Variants in GDPD4 observed in about 807,000 individuals in gnomAD.
GDPD4 encodes glycerophosphodiester phosphodiesterase domain containing 4.
In GDPD4, 60 loss-of-function variants were observed where a neutral mutation model predicts 67.8. That is an observed-to-expected ratio of 0.88 (90% CI 0.72 to 1.10). The LOEUF is 1.10. Among genes scored for constraint, GDPD4 ranks in the 50% least tolerant of loss-of-function variants. GDPD4 has a pLI of 0.00. For missense variants in GDPD4, 623 were observed against 613.9 expected, an observed-to-expected ratio of 1.01 and a Z score of -0.16; for synonymous variants, 212 against 210.9, an observed-to-expected ratio of 1.00 and a Z score of -0.04.
intron 11 of GDPD4, among the ~76,000 whole-genome samples, chr11:77,251,823 T>C (rs1958904316): frequency 1.3e-5 from 2 of 152,188 alleles, no homozygotes; most frequent in African/African-American, 2.4e-5. Context: ...CAGGAACATC[T>C]ACAATATGAA....
intron 13 of GDPD4, among the ~76,000 whole-genome samples, chr11:77,233,969 T>C (rs1420790502): frequency 6.6e-6 from 1 of 152,202 alleles, no homozygotes; most frequent in Non-Finnish European, 1.5e-5. Context: ...AGAAAATAAG[T>C]GGAGGAACAC....
At chr11:77,295,683 C>T (rs1053687107) in intron 1 of GDPD4, among the ~76,000 whole-genome samples, 3 of 152,044 alleles carry the variant, frequency 2.0e-5, no homozygotes, top group Non-Finnish European at 2.9e-5. Flanking sequence ...AAAACATAGA[C>T]GAAATCTGTG....
intron 16 of GDPD4, among the ~76,000 whole-genome samples, chr11:77,218,940 G>A (rs1047442906): frequency 5.0e-4 from 76 of 152,260 alleles, no homozygotes; most frequent in Admixed American, 1.3e-3. Context: ...GGTATTTCTA[G>A]TTCTAGATCC....
chr11:77,231,266 T>C (rs1033870581), intron 14 of GDPD4, among the ~76,000 whole-genome samples: 2 of 152,236 alleles, frequency 1.3e-5, no homozygotes, highest in Non-Finnish European at 2.9e-5. Context: ...CCAGATTATG[T>C]TGGACACAAG....
intron 1 of GDPD4, among the ~76,000 whole-genome samples, chr11:77,297,448 A>T (rs1938012087): frequency 6.6e-6 from 1 of 151,452 alleles, no homozygotes; most frequent in South Asian, 2.1e-4. Context: ...AGGCAGGAGA[A>T]TGGCGTGAAC....
chr11:77,239,613 GA>G, intron 13 of GDPD4, among the ~76,000 whole-genome samples: 1 of 152,012 alleles, frequency 6.6e-6, no homozygotes, highest in African/African-American at 2.4e-5. Flanking sequence ...GAATTCTTAG[GA>G]ATAAAACTTT....
intron 7 of GDPD4, among the ~76,000 whole-genome samples, chr11:77,270,493 G>A (rs1343762015): frequency 1.3e-5 from 2 of 152,148 alleles, no homozygotes; most frequent in East Asian, 3.9e-4. Flanking sequence ...TGAGGCAGGC[G>A]GATCACGAGG....
At chr11:77,283,408 T>C (rs1347525600) in intron 3 of GDPD4, among the ~76,000 whole-genome samples, 1 of 152,180 alleles carries the variant, frequency 6.6e-6, no homozygotes. Context: ...CCCCAGGACT[T>C]TGATACCACT....
At chr11:77,223,832 AGCTCCGGTGG>A (rs1958274303) in intron 16 of GDPD4, among the ~76,000 whole-genome samples, 1 of 152,032 alleles carries the variant, frequency 6.6e-6, no homozygotes, top group African/African-American at 2.4e-5. Flanking sequence ...GGCCTCCTTG[AGCTCCGGTGG>A]GCTCCACCTA....
chr11:77,252,681 C>G (rs1185139290), intron 11 of GDPD4, among the ~76,000 whole-genome samples: 1 of 152,138 alleles, frequency 6.6e-6, no homozygotes, highest in Admixed American at 6.5e-5. Context: ...AGATTTTCAC[C>G]TGCAGTTGGG....
At chr11:77,263,745 C>A (rs762058314) in intron 10 of GDPD4, among the ~76,000 whole-genome samples, 1 of 152,132 alleles carries the variant, frequency 6.6e-6, no homozygotes, top group Non-Finnish European at 1.5e-5. Flanking sequence ...TGGCATGACA[C>A]ATCTTCATTA....
In GDPD4 at chr11:77,217,126, A is replaced by T. The variant is rs766056525; in HGVS notation, c.*151T>A. On this transcript the variant is annotated 3_prime_UTR_variant, in exon 17 of 17. Coordinates refer to ENST00000315938, the MANE Select transcript of GDPD4 (RefSeq NM_182833.3). ...TCAAAGGTGTGACAGCATTCTTGAT[A>T]GGTAGTAGTTTCTTGGATGGTGCTG... 7 of 726,992 alleles carry T rather than the reference A, an allele frequency of 9.6e-6. No homozygotes were observed. The South Asian group carries it at 1.0e-4, about 11-fold the overall frequency. 45.0% of individuals were successfully genotyped at this position (726,992 alleles called of 1,614,324 possible).
In GDPD4 at chr11:77,300,686, T is replaced by C. The variant is rs750673644; in HGVS notation, c.-254+919A>G. ...ATGGAATATTTATCAAAAATCACAATTGGTTTTAATAAACCTTGACATCTT... is the reference window on the plus strand; with the variant it reads ...ATGGAATATTTATCAAAAATCACAACTGGTTTTAATAAACCTTGACATCTT... On this transcript the variant is annotated intron_variant, in intron 1 of 16. Coordinates refer to ENST00000315938, the MANE Select transcript of GDPD4 (RefSeq NM_182833.3). Among the ~76,000 whole-genome samples the C allele has an allele frequency of 7.9e-5, 12 of 152,200 alleles. 1 individual carries two copies. The highest frequency in any genetic ancestry group is 2.9e-4 in the African/African-American group (12 of 41,444).
At chr11:77,279,779 C>T (rs1023021763) in intron 3 of GDPD4, among the ~76,000 whole-genome samples, 1 of 151,952 alleles carries the variant, frequency 6.6e-6, no homozygotes, top group Admixed American at 6.6e-5. Flanking sequence ...TCCTTGTCCA[C>T]ATGCATATGT....
At chr11:77,250,410 G>T (rs544432051) in intron 11 of GDPD4, among the ~76,000 whole-genome samples, 2 of 152,272 alleles carry the variant, frequency 1.3e-5, no homozygotes, top group South Asian at 2.1e-4. Context: ...TGCTGCAAAA[G>T]ACAGGATTTC....
chr11:77,279,402 G>GA lies in GDPD4; in HGVS notation c.54-4dup, dbSNP rs767066570. The GA allele has an allele frequency of 5.4e-4, 851 of 1,575,812 alleles. 2 individuals are homozygous for GA. Among genetic ancestry groups the GA allele is most frequent in the Middle Eastern group, 3.2e-3 (19 of 5,950 alleles). On this transcript the variant is annotated splice_polypyrimidine_tract_variant and splice_region_variant and intron_variant, in intron 3 of 16. Coordinates refer to ENST00000315938, the MANE Select transcript of GDPD4 (RefSeq NM_182833.3). ...ATCCTGTTCCTAGAAAAGTGACCCTGAAAAAAAATGTGTTTCAGTTCTTAA... is the reference window on the plus strand; with the variant it reads ...ATCCTGTTCCTAGAAAAGTGACCCTGAAAAAAAAATGTGTTTCAGTTCTTAA...
At chr11:77,240,216 A>C (rs915321799) in intron 13 of GDPD4, among the ~76,000 whole-genome samples, 1 of 152,226 alleles carries the variant, frequency 6.6e-6, no homozygotes, top group Admixed American at 6.5e-5. Flanking sequence ...GGCTGGACAC[A>C]TCACATTCCC....
chr11:77,252,221 C>T (rs1240735198), intron 11 of GDPD4, among the ~76,000 whole-genome samples: 1 of 151,954 alleles, frequency 6.6e-6, no homozygotes, highest in African/African-American at 2.4e-5. Flanking sequence ...TGCCACCACA[C>T]CTGGCTAATT....
intron 1 of GDPD4, among the ~76,000 whole-genome samples, chr11:77,298,453 A>G (rs1352876328): frequency 1.3e-5 from 2 of 152,216 alleles, no homozygotes; most frequent in Non-Finnish European, 2.9e-5. Flanking sequence ...CGGAGATTGC[A>G]GTGAGCAGAG....
Sources: allele counts gnomAD v4.1 joint callset (sites outside exome capture counted in the v4.1 genomes callset), GRCh38; gene constraint gnomAD v4.1.1; transcripts MANE v1.5; gene names NCBI Gene and HGNC (gene_info 2026-07-23, HGNC 2026-07-21).